AMBRA1: variants seen among roughly 807,000 people sequenced by gnomAD.
AMBRA1 encodes the protein activating molecule in BECN1-regulated autophagy protein 1.
AMBRA1 carries 47 observed loss-of-function variants against 125.4 expected under a neutral mutation model. That is an observed-to-expected ratio of 0.37 (90% confidence interval 0.30 to 0.48). The LOEUF (loss-of-function observed/expected upper bound fraction) is 0.48, where lower values mean the gene tolerates loss of function less well. Among genes scored for constraint, AMBRA1 ranks in the 20% least tolerant of loss-of-function variants. AMBRA1 has a pLI of 0.99. For synonymous variants in AMBRA1, 626 were observed against 655.5 expected, an observed-to-expected ratio of 0.95 and a Z score of 0.69; for missense variants, 1,331 against 1,693.4, an observed-to-expected ratio of 0.79 and a Z score of 3.76.
chr11:46,427,946 T>C (rs1590779406), intron 14 of AMBRA1, among the ~76,000 whole-genome samples: 1 of 144,908 alleles, frequency 6.9e-6, no homozygotes, highest in African/African-American at 2.6e-5. Flanking sequence ...GTGGCGGAGG[T>C]TGCAGTGAGC....
At chr11:46,587,304 C>T (rs375474419) in intron 1 of AMBRA1, among the ~76,000 whole-genome samples, 1 of 151,992 alleles carries the variant, frequency 6.6e-6, no homozygotes. Flanking sequence ...CGCTTGAACC[C>T]GGGAGGTGGA....
intron 11 of AMBRA1, among the ~76,000 whole-genome samples, chr11:46,446,406 G>A (rs939415100): frequency 2.6e-5 from 4 of 152,180 alleles, no homozygotes; most frequent in Non-Finnish European, 5.9e-5. Context: ...TGCCAGAGGG[G>A]GTTAATGGAC....
At chr11:46,541,136 A>G (rs1303658897) in intron 7 of AMBRA1, among the ~76,000 whole-genome samples, 1 of 152,236 alleles carries the variant, frequency 6.6e-6, no homozygotes, top group Non-Finnish European at 1.5e-5. Flanking sequence ...ACAAAATTAC[A>G]GAAAGAAGTC....
chr11:46,434,400 CA>C (rs1255934943), intron 13 of AMBRA1, among the ~76,000 whole-genome samples: 3 of 66,916 alleles, frequency 4.5e-5, no homozygotes, highest in African/African-American at 1.7e-4. Flanking sequence ...TCCCGCAAAA[CA>C]AACAAACAAA....
At chr11:46,526,392 C>G (rs1479119533) in intron 7 of AMBRA1, among the ~76,000 whole-genome samples, 1 of 151,938 alleles carries the variant, frequency 6.6e-6, no homozygotes, top group Non-Finnish European at 1.5e-5. Context: ...ATGCAGCAAG[C>G]TGTGCCAATT....
At chr11:46,468,109 A>T (rs1403274744) in intron 11 of AMBRA1, among the ~76,000 whole-genome samples, 1 of 152,212 alleles carries the variant, frequency 6.6e-6, no homozygotes, top group Non-Finnish European at 1.5e-5. Context: ...ACCCTCACAC[A>T]TTTGTTGAAT....
chr11:46,555,488 T>A (rs959274624), intron 1 of AMBRA1, among the ~76,000 whole-genome samples: 1 of 152,176 alleles, frequency 6.6e-6, no homozygotes, highest in Non-Finnish European at 1.5e-5. Flanking sequence ...GAAATATGAA[T>A]CTTGTTTCTG....
chr11:46,457,951 C>CTGTTT (rs1293840408), intron 11 of AMBRA1, among the ~76,000 whole-genome samples: 1 of 151,200 alleles, frequency 6.6e-6, no homozygotes, highest in Non-Finnish European at 1.5e-5. Flanking sequence ...CCCAGCCATG[C>CTGTTT]TGTTTTCCTT....
In AMBRA1 at chr11:46,543,026, G is replaced by C. The variant is rs761231114; in HGVS notation, c.991C>G (p.Pro331Ala). The C allele has an allele frequency of 3.8e-6, 6 of 1,599,534 alleles. No homozygotes were observed. Among genetic ancestry groups the C allele is most frequent in the Non-Finnish European group, 5.1e-6 (6 of 1,179,866 alleles). ...GGGGTAGTAGCTCTGGCAGAAGCAGGGGGGACACTGTCCTGGTGTGGCAAG... is the reference window on the plus strand; with the variant it reads ...GGGGTAGTAGCTCTGGCAGAAGCAGCGGGGACACTGTCCTGGTGTGGCAAG... ...SLLPHQDSVP[P>A]ASARATTPSF... Residue 331 changes from proline to alanine, a missense_variant, in exon 7 of 18, where the codon CCT becomes GCT. Pro to Ala is a conservative substitution (Grantham distance 27). Around this residue, in one of 4 missense-constraint regions of AMBRA1, gnomAD observed 689 missense variants for 776.5 expected, o/e 0.89. Coordinates refer to ENST00000683756, the MANE Select transcript of AMBRA1 (RefSeq NM_001387011.1).
intron 1 of AMBRA1, among the ~76,000 whole-genome samples, chr11:46,569,595 A>T (rs532313340): frequency 6.6e-6 from 1 of 152,136 alleles, no homozygotes; most frequent in African/African-American, 2.4e-5. Context: ...TACTATAGAA[A>T]TAGCATTCCA....
intron 14 of AMBRA1, among the ~76,000 whole-genome samples, chr11:46,423,955 G>C (rs1946988661): frequency 6.6e-6 from 1 of 151,242 alleles, no homozygotes; most frequent in Admixed American, 6.6e-5. Context: ...TAGAGATGGG[G>C]TATCTCCAAG....
At chr11:46,583,834 C>T (rs1294571277) in intron 1 of AMBRA1, among the ~76,000 whole-genome samples, 3 of 149,516 alleles carry the variant, frequency 2.0e-5, no homozygotes, top group East Asian at 1.9e-4. Flanking sequence ...TACCATCTCA[C>T]ACCAGTTAGA....
At chr11:46,522,202 GTGGGTAGTTATTTTTAATACA>G (rs773625928) in intron 7 of AMBRA1, among the ~76,000 whole-genome samples, 27 of 152,320 alleles carry the variant, frequency 1.8e-4, no homozygotes, top group Non-Finnish European at 3.1e-4. Context: ...TAACTGTCTG[GTGGGTAGTTATTTTTAATACA>G]TGGGTAGTTA....
chr11:46,397,740 T>TGTGGGCGGCACCAGGTTCA lies in AMBRA1; in HGVS notation c.3588_3606dup (p.Thr1203Ter). 2 of 1,611,966 alleles carry TGTGGGCGGCACCAGGTTCA rather than the reference T, an allele frequency of 1.2e-6. No homozygotes were observed. The highest frequency in any genetic ancestry group is 1.7e-6 in the Non-Finnish European group (2 of 1,179,744). Reference sequence around the variant, plus strand: ...GAGGTGGAGGGCTGGGGTGAGGAGGTGTGGGCGGCACCAGGTTCAGTGCCC... The same window carrying TGTGGGCGGCACCAGGTTCA: ...GAGGTGGAGGGCTGGGGTGAGGAGGTGTGGGCGGCACCAGGTTCAGTGGGCGGCACCAGGTTCAGTGCCC... On this transcript the variant is annotated stop_gained and frameshift_variant, in exon 18 of 18. Coordinates refer to ENST00000683756, the MANE Select transcript of AMBRA1 (RefSeq NM_001387011.1). LOFTEE classifies it high-confidence loss of function.
At chr11:46,447,081 C>T (rs928596881) in intron 11 of AMBRA1, among the ~76,000 whole-genome samples, 1 of 152,184 alleles carries the variant, frequency 6.6e-6, no homozygotes, top group African/African-American at 2.4e-5. Context: ...GTACCTACAA[C>T]TTACAGGATT....
At chr11:46,455,996 A>ACAT (rs558563860) in intron 11 of AMBRA1, among the ~76,000 whole-genome samples, 82 of 152,254 alleles carry the variant, frequency 5.4e-4, no homozygotes, top group South Asian at 2.5e-3. Context: ...CTCCTTCAAT[A>ACAT]CATATGTCCT....
chr11:46,436,172 T>A (rs1237177695), intron 12 of AMBRA1, among the ~76,000 whole-genome samples: 1 of 152,228 alleles, frequency 6.6e-6, no homozygotes, highest in Admixed American at 6.5e-5. Flanking sequence ...AGAGTCCAGG[T>A]GATCTACTGC....
chr11:46,584,281 C>A (rs1015922946), intron 1 of AMBRA1, among the ~76,000 whole-genome samples: 7 of 147,170 alleles, frequency 4.8e-5, no homozygotes, highest in African/African-American at 1.8e-4. Flanking sequence ...GGACAAAAAA[C>A]CAAACACCGC....
intron 11 of AMBRA1, among the ~76,000 whole-genome samples, chr11:46,458,860 C>A (rs1449064869): frequency 6.6e-6 from 1 of 152,160 alleles, no homozygotes; most frequent in Non-Finnish European, 1.5e-5. Flanking sequence ...AGAAACTGCT[C>A]CTTCTGCAAG....
Sources: allele counts gnomAD v4.1 joint callset (sites outside exome capture counted in the v4.1 genomes callset), GRCh38; gene constraint gnomAD v4.1.1; regional missense constraint gnomAD v4.1.1; transcripts MANE v1.5; gene names NCBI Gene and HGNC (gene_info 2026-07-23, HGNC 2026-07-21).